Variants in ABHD12 observed in about 807,000 individuals in gnomAD.
The protein encoded by ABHD12 is lysophosphatidylserine lipase ABHD12.
ABHD12 carries 43 observed loss-of-function variants against 58.3 expected under a neutral mutation model. That is an observed-to-expected ratio of 0.74 (90% CI 0.58 to 0.95). The LOEUF (loss-of-function observed/expected upper bound fraction) is 0.95. Among genes scored for constraint, ABHD12 ranks in the 40% least tolerant of loss-of-function variants. The pLI is 0.00. For missense variants in ABHD12, 539 were observed against 537.2 expected, an observed-to-expected ratio of 1.00 and a Z score of -0.03; for synonymous variants, 219 against 211.2, an observed-to-expected ratio of 1.04 and a Z score of -0.32.
At position 25,340,504 on chromosome 20, in the gene ABHD12, A is replaced by G. The variant is rs538288946; in HGVS notation, c.192-1153T>C. ...GAAAAAAGGCAAATCACACCTTGGC[A>G]TTATTATGGAAATCAGTCTGACCTT... On this transcript the variant is annotated intron_variant, in intron 1 of 12. Coordinates refer to ENST00000339157, the MANE Select transcript of ABHD12 (RefSeq NM_001042472.3). 5.9e-5 allele frequency among the ~76,000 whole-genome samples: 9 copies of G among 152,358 alleles called. No homozygotes were observed. In the South Asian group the frequency reaches 1.7e-3, roughly 28 times the overall value.
intron 1 of ABHD12, among the ~76,000 whole-genome samples, chr20:25,349,332 T>G (rs2089567558): frequency 1.3e-5 from 2 of 152,180 alleles, no homozygotes; most frequent in South Asian, 4.1e-4. Context: ...AGTTTGGCCA[T>G]TCCTCAAAAA....
downstream of ABHD12, chr20:25,295,480 G>GCC: frequency 9.0e-7 from 1 of 1,114,088 alleles, no homozygotes; most frequent in Middle Eastern, 2.9e-4. Context: ...GCGTGGGTGG[G>GCC]CCCCTTCGCT....
At chr20:25,348,070 C>T (rs1275077606) in intron 1 of ABHD12, among the ~76,000 whole-genome samples, 1 of 151,632 alleles carries the variant, frequency 6.6e-6, no homozygotes, top group Non-Finnish European at 1.5e-5. Context: ...ATTAGCTGGG[C>T]GTGGTGGCAC....
In ABHD12 at chr20:25,314,975, A is replaced by G. The variant is rs764257314; in HGVS notation, c.574-5T>C. On this transcript the variant is annotated splice_polypyrimidine_tract_variant and splice_region_variant and intron_variant, in intron 5 of 12. Coordinates refer to ENST00000339157, the MANE Select transcript of ABHD12 (RefSeq NM_001042472.3). Reference sequence around the variant, plus strand: ...GTAACCAAGGGAACTCAGCACCTGTAAAGTGAAAAATAAACATCTTTGGCA... The same window carrying G: ...GTAACCAAGGGAACTCAGCACCTGTGAAGTGAAAAATAAACATCTTTGGCA... 1 of 1,614,226 alleles carries G rather than the reference A, an allele frequency of 6.2e-7. No homozygotes were observed. Among genetic ancestry groups the G allele is most frequent in the Non-Finnish European group, 8.5e-7 (1 of 1,180,032 alleles).
chr20:25,390,826 A>C lies in ABHD12; in HGVS notation c.-123T>G. 1 of 604,580 alleles carries C rather than the reference A, an allele frequency of 1.7e-6. No individual in the cohort carries two copies. The highest frequency in any genetic ancestry group is 2.3e-6 in the Non-Finnish European group (1 of 438,822). The allele number at this position is 604,580 out of a possible 1,614,324, so 37.5% of individuals were successfully genotyped here. A position where few individuals can be genotyped will look rare whatever the true frequency, so the allele number is the denominator to read the frequency against. On this transcript the variant is annotated 5_prime_UTR_variant, in exon 1 of 13. Coordinates refer to ENST00000339157, the MANE Select transcript of ABHD12 (RefSeq NM_001042472.3). ...CCCGCCGCTCCTCACATCCCAGCCC[A>C]GGCCGCTGCGCCGGCTACGAACCAG...
At chr20:25,360,608 T>C (rs1314036058) in intron 1 of ABHD12, among the ~76,000 whole-genome samples, 1 of 152,150 alleles carries the variant, frequency 6.6e-6, no homozygotes, top group Non-Finnish European at 1.5e-5. Flanking sequence ...AAAATGCCAC[T>C]AAAATGACAG....
chr20:25,390,274 G>A lies in ABHD12; in HGVS notation c.191+239C>T, dbSNP rs564644820. The A allele has an allele frequency of 1.3e-5, 5 of 396,358 alleles. No homozygotes were observed. The Admixed American group carries it at 1.4e-4, about 11-fold the overall frequency. The allele number at this position is 396,358 out of a possible 1,614,324, so 24.6% of individuals were successfully genotyped here. A position where few individuals can be genotyped will look rare whatever the true frequency, so the allele number is the denominator to read the frequency against. On this transcript the variant is annotated intron_variant, in intron 1 of 12. Coordinates refer to ENST00000339157, the MANE Select transcript of ABHD12 (RefSeq NM_001042472.3). ...AGGAGTGCCTGGCGAGAGGGCCGGA[G>A]CAGGACACAGGGGGTCAGCGGCAGG...
intron 11 of ABHD12, 25 bp from the exon 12 acceptor site, chr20:25,302,371 G>A: frequency 6.2e-7 from 1 of 1,612,092 alleles, no homozygotes. Context: ...GTCAGAGCCT[G>A]AGGCAGTGGC....
intron 3 of ABHD12, among the ~76,000 whole-genome samples, chr20:25,322,824 G>A (rs1414052968): frequency 1.3e-5 from 2 of 152,150 alleles, no homozygotes; most frequent in African/African-American, 4.8e-5. Flanking sequence ...CTGGAGTCAA[G>A]TGATCCTCCT....
chr20:25,379,629 T>C (rs993807182), intron 1 of ABHD12, among the ~76,000 whole-genome samples: 1 of 152,204 alleles, frequency 6.6e-6, no homozygotes, highest in Admixed American at 6.5e-5. Context: ...ATTATTCCCA[T>C]GCACACTCCA....
chr20:25,327,360 G>A (rs1334169915), intron 2 of ABHD12, among the ~76,000 whole-genome samples: 1 of 151,986 alleles, frequency 6.6e-6, no homozygotes, highest in Non-Finnish European at 1.5e-5. Flanking sequence ...CCAGCTACTC[G>A]GGAGCCTGAG....
intron 11 of ABHD12, 39 bp from the exon 12 acceptor site, chr20:25,302,385 G>A (rs1359710822): frequency 4.3e-6 from 7 of 1,610,782 alleles, no homozygotes; most frequent in Admixed American, 1.7e-5. Context: ...CAGTGGCCTG[G>A]CATGGGGGTC....
chr20:25,306,908 C>T lies in ABHD12; in HGVS notation c.875G>A (p.Arg292Gln), dbSNP rs771187489. 11 of 1,610,024 alleles carry T rather than the reference C, an allele frequency of 6.8e-6. No individual in the cohort carries two copies. Among genetic ancestry groups the T allele is most frequent in the Middle Eastern group, 1.7e-4 (1 of 6,054 alleles). The change falls in exon 10 of 13, where the codon CGA (arginine) becomes CAA (glutamine). Residue 292 changes from arginine to glutamine, a missense_variant. Arg to Gln is a conservative substitution (Grantham distance 43, BLOSUM62 1). Coordinates refer to ENST00000339157, the MANE Select transcript of ABHD12 (RefSeq NM_001042472.3). ...AKSHPFSVIYRYFPGFDWFFL... is the reference protein window; with the variant it reads ...AKSHPFSVIYQYFPGFDWFFL... ...GAACCAGTCAAACCCAGGGAAGTAT[C>T]GATATATCTGGAGACAAGATGGAAA...
intron 1 of ABHD12, chr20:25,368,221 C>A (rs1280971251): frequency 7.2e-7 from 1 of 1,388,908 alleles, no homozygotes; most frequent in Non-Finnish European, 1.0e-6. Context: ...GGGTGCTCTC[C>A]TGAGCTACAG....
At chr20:25,316,286 G>A (rs2088960446) in intron 5 of ABHD12, among the ~76,000 whole-genome samples, 1 of 152,126 alleles carries the variant, frequency 6.6e-6, no homozygotes, top group Non-Finnish European at 1.5e-5. Flanking sequence ...AGCCTCCTGA[G>A]TAGCTGGGAT....
intron 6 of ABHD12, among the ~76,000 whole-genome samples, chr20:25,314,011 C>T (rs116493827): frequency 0.011 from 1,687 of 149,618 alleles, 33 homozygotes; most frequent in African/African-American, 0.037. Flanking sequence ...TCTTGCTTGT[C>T]GCCAAGGCTG....
At chr20:25,326,833 G>T (rs1489680002) in intron 2 of ABHD12, among the ~76,000 whole-genome samples, 1 of 151,928 alleles carries the variant, frequency 6.6e-6, no homozygotes, top group East Asian at 1.9e-4. Context: ...TAAATTCTTT[G>T]TGGGCTACAA....
chr20:25,308,051 TA>T lies in ABHD12; in HGVS notation c.788-7del, dbSNP rs2145931501. 6.3e-7 allele frequency: 1 copy of T among 1,582,840 alleles called. No individual in the cohort carries two copies. Among genetic ancestry groups the T allele is most frequent in the Middle Eastern group, 1.7e-4 (1 of 5,958 alleles). ...AAGGGCATCTGGAGGCGTCTCTAGA[TA>T]AACAAACAGGGAACTGAGAGGTAGG... On this transcript the variant is annotated splice_polypyrimidine_tract_variant and splice_region_variant and intron_variant, in intron 8 of 12. Coordinates refer to ENST00000339157, the MANE Select transcript of ABHD12 (RefSeq NM_001042472.3).
intron 1 of ABHD12, among the ~76,000 whole-genome samples, chr20:25,355,905 T>C (rs1429076576): frequency 3.9e-5 from 6 of 152,178 alleles, no homozygotes; most frequent in African/African-American, 1.4e-4. Context: ...TGCCACCAAA[T>C]AAAAGTTGTC....
Sources: allele counts gnomAD v4.1 joint callset (sites outside exome capture counted in the v4.1 genomes callset), GRCh38; gene constraint gnomAD v4.1.1; transcripts MANE v1.5; gene names NCBI Gene and HGNC (gene_info 2026-07-23, HGNC 2026-07-21).